The following EFHC2 variants were observed in gnomAD, a reference collection of about 807,000 sequenced individuals.
EFHC2 encodes the protein EF-hand domain-containing family member C2.
Under a neutral mutation model 52.7 loss-of-function variants are expected in EFHC2, and 18 were observed. The ratio of observed to expected loss-of-function variants is 0.34; its 90% confidence interval spans 0.24 to 0.51. EFHC2 has a LOEUF of 0.51. Among genes scored for constraint, EFHC2 ranks in the 20% least tolerant of loss-of-function variants. EFHC2 has a pLI of 0.97. For missense variants in EFHC2, 513 were observed against 562.5 expected (o/e 0.91, Z 0.89); for synonymous variants, 203 against 204.1 (o/e 0.99, Z 0.04).
intron 11 of EFHC2, among the ~76,000 whole-genome samples, chrX:44,214,828 T>TCA (rs1445838350): frequency 8.9e-6 from 1 of 112,203 alleles, no homozygotes; most frequent in Admixed American, 9.4e-5. Context: ...GTAAGTGAAA[T>TCA]GAATGACAGC....
intron 12 of EFHC2, 48 bp from the exon 13 acceptor site, chrX:44,176,432 T>C (rs774719233): frequency 2.4e-6 from 2 of 849,024 alleles, no homozygotes; most frequent in South Asian, 5.3e-5. Flanking sequence ...TGTATACCTT[T>C]AGTAATAATT....
chrX:44,314,057 G>A (rs1165058858), intron 1 of EFHC2, among the ~76,000 whole-genome samples: 1 of 111,769 alleles, frequency 8.9e-6, no homozygotes, highest in Non-Finnish European at 1.9e-5. Flanking sequence ...ATGTAAAGCT[G>A]GAAAATACTC....
In EFHC2 at chrX:44,235,372, C is replaced by T. The variant is rs145799110; in HGVS notation, c.1356G>A (p.Met452Ile). Residue 452 changes from methionine to isoleucine, a missense_variant, in exon 9 of 15, where the codon ATG (methionine) becomes ATA (isoleucine). Met to Ile is a conservative substitution (Grantham distance 10). Coordinates refer to ENST00000420999, the MANE Select transcript of EFHC2 (RefSeq NM_025184.4). ...VTDKCVDLDR[M>I]FVISYYLGDD... ...CACCGAGATAATATGAAATAACAAACATCCTGTCCAAGTCAACACATTTGT... is the reference window on the plus strand; with the variant it reads ...CACCGAGATAATATGAAATAACAAATATCCTGTCCAAGTCAACACATTTGT... 648 of 1,188,946 alleles carry T rather than the reference C, an allele frequency of 5.5e-4. 8 individuals are homozygous for T. The East Asian group carries it at 0.017, about 31-fold the overall frequency.
rs1227764175 is a variant in EFHC2 at position 44,256,718 on chromosome X, C to T, written c.606+4357G>A. ...ATTCTACCAGAGGTACAAAGAGGAG[C>T]TGGTACCATTCCTTCTGAAACTATT... On this transcript the variant is annotated intron_variant, in intron 4 of 14. Transcript: ENST00000420999. Among the ~76,000 whole-genome samples, 3 of 111,310 alleles carry T rather than the reference C, an allele frequency of 2.7e-5. No individual in the cohort carries two copies. In the East Asian group the frequency reaches 8.5e-4, roughly 31 times the overall value.
chrX:44,272,668 T>G lies in EFHC2; in HGVS notation c.382+18A>C, dbSNP rs750129901. On this transcript the variant is annotated intron_variant, in intron 3 of 14. Transcript: ENST00000420999. ...GAGTCAGAAGTGAAGGAACCATAAC[T>G]CTGCTTTAAATAGATACCTTGAAGT... 3.2e-5 allele frequency: 37 copies of G among 1,160,674 alleles called. 1 individual carries two copies. The South Asian group carries it at 7.4e-4, about 23-fold the overall frequency.
intron 11 of EFHC2, 139 bp downstream of exon 11, chrX:44,229,510 T>A: frequency 6.7e-6 from 6 of 901,471 alleles, no homozygotes; most frequent in Non-Finnish European, 7.7e-6. Context: ...GCCAAAACTT[T>A]ACCACAAAAT....
At position 44,278,076 on chromosome X, in the gene EFHC2, T is replaced by A. The variant is rs771422860; in HGVS notation, c.232-5240A>T. 2.7e-5 allele frequency among the ~76,000 whole-genome samples: 3 copies of A among 111,923 alleles called. No homozygotes were observed. In the South Asian group the frequency reaches 1.1e-3, roughly 41 times the overall value. ...TATGCATTGGGAACTTTAAAAAAAA[T>A]TTGAAAGACCAGATCTGGCCGGGCG... On this transcript the variant is annotated intron_variant, in intron 2 of 14. Transcript: ENST00000420999.
rs181729070 is a variant in EFHC2 at position 44,230,856 on chromosome X, G to A, written c.1621-1077C>T. Among the ~76,000 whole-genome samples the A allele has an allele frequency of 7.4e-4, 82 of 111,541 alleles. No individual in the cohort carries two copies. The East Asian group carries it at 0.017, about 23-fold the overall frequency. ...CCATGGGCCTCATGGTTAGCTCAGC[G>A]CTTCATACACATTATCACATCTAAT... On this transcript the variant is annotated intron_variant, in intron 10 of 14. Transcript: ENST00000420999.
At chrX:44,165,477 G>A (rs1453925376) in intron 13 of EFHC2, among the ~76,000 whole-genome samples, 2 of 111,819 alleles carry the variant, frequency 1.8e-5, no homozygotes, top group Non-Finnish European at 3.8e-5. Context: ...TCTGTTTATG[G>A]AAATATTTAT....
chrX:44,211,583 C>G (rs771979334), intron 11 of EFHC2, among the ~76,000 whole-genome samples: 27 of 109,363 alleles, frequency 2.5e-4, no homozygotes, highest in South Asian at 2.0e-3. Flanking sequence ...AAAGATTGGC[C>G]GGGCTCAGTG....
chrX:44,230,265 C>T (rs1456996093), intron 10 of EFHC2, among the ~76,000 whole-genome samples: 1 of 111,800 alleles, frequency 8.9e-6, no homozygotes, highest in African/African-American at 3.3e-5. Flanking sequence ...CCCTAACCCT[C>T]GCACAGTCAT....
At chrX:44,262,341 A>G (rs1450524246) in intron 3 of EFHC2, among the ~76,000 whole-genome samples, 1 of 108,000 alleles carries the variant, frequency 9.3e-6, no homozygotes, top group African/African-American at 3.4e-5. Context: ...CAAAAGAAAA[A>G]AAAAATTAAT....
intron 11 of EFHC2, among the ~76,000 whole-genome samples, chrX:44,182,246 G>A (rs1373422656): frequency 1.8e-5 from 2 of 112,298 alleles, no homozygotes; most frequent in Non-Finnish European, 3.7e-5. Context: ...CATGTATCAG[G>A]ACTTCATCGT....
intron 1 of EFHC2, among the ~76,000 whole-genome samples, chrX:44,330,085 C>CAAAAAA (rs34888507): frequency 2.4e-4 from 11 of 46,228 alleles, no homozygotes; most frequent in Admixed American, 6.7e-4. Context: ...CCTGTCTCTA[C>CAAAAAA]AAAAAAAAAA....
intron 13 of EFHC2, among the ~76,000 whole-genome samples, chrX:44,173,287 A>G (rs2036759394): frequency 8.9e-6 from 1 of 111,918 alleles, no homozygotes; most frequent in Non-Finnish European, 1.9e-5. Context: ...AAAATCAACA[A>G]GCTCCATGCC....
At chrX:44,301,049 G>A (rs1195976013) in intron 2 of EFHC2, among the ~76,000 whole-genome samples, 6 of 105,400 alleles carry the variant, frequency 5.7e-5, no homozygotes, top group Non-Finnish European at 1.2e-4. Context: ...GATGGAGGTT[G>A]CAGTGAGCCA....
chrX:44,299,954 A>T lies in EFHC2; in HGVS notation c.231+12614T>A, dbSNP rs190344592. 5.6e-3 allele frequency among the ~76,000 whole-genome samples: 627 copies of T among 111,832 alleles called. 10 individuals are homozygous for T. The highest frequency in any genetic ancestry group is 0.044 in the Admixed American group (464 of 10,491). On this transcript the variant is annotated intron_variant, in intron 2 of 14. Coordinates refer to ENST00000420999, the MANE Select transcript of EFHC2 (RefSeq NM_025184.4). Reference sequence around the variant, plus strand: ...TGAGTCCAAAATTACTTTAAAAAAAATTTTTTTAAGAATACAGCTAGATTA... The same window carrying T: ...TGAGTCCAAAATTACTTTAAAAAAATTTTTTTTAAGAATACAGCTAGATTA...
intron 13 of EFHC2, among the ~76,000 whole-genome samples, chrX:44,166,161 C>T (rs932491155): frequency 9.0e-6 from 1 of 111,592 alleles, no homozygotes; most frequent in African/African-American, 3.3e-5. Flanking sequence ...ACACAGAGGG[C>T]AAGGCAGAAG....
At chrX:44,223,434 T>C (rs1242243351) in intron 11 of EFHC2, among the ~76,000 whole-genome samples, 2 of 111,927 alleles carry the variant, frequency 1.8e-5, no homozygotes, top group African/African-American at 6.5e-5. Context: ...TTCCTATAGT[T>C]CAGCCTTGAG....
Sources: allele counts gnomAD v4.1 joint callset (sites outside exome capture counted in the v4.1 genomes callset), GRCh38; gene constraint gnomAD v4.1.1; transcripts MANE v1.5; gene names NCBI Gene and HGNC (gene_info 2026-07-23, HGNC 2026-07-21).